FAM120A: variants seen among roughly 807,000 people sequenced by gnomAD.
The protein encoded by FAM120A is constitutive coactivator of PPAR-gamma-like protein 1.
FAM120A carries 15 observed loss-of-function variants against 109.7 expected under a neutral mutation model. The ratio of observed to expected loss-of-function variants is 0.14; its 90% CI spans 0.09 to 0.21. The LOEUF is 0.21. Among genes scored for constraint, FAM120A ranks in the 10% least tolerant of loss-of-function variants. FAM120A has a pLI of 1.00. For missense variants in FAM120A, 899 were observed against 1,439.3 expected, an observed-to-expected ratio of 0.62 and a Z score of 6.07; for synonymous variants, 493 against 572.8, an observed-to-expected ratio of 0.86 and a Z score of 1.99.
intron 1 of FAM120A, among the ~76,000 whole-genome samples, chr9:93,459,043 A>G (rs1248316385): frequency 2.6e-5 from 4 of 152,136 alleles, no homozygotes; most frequent in Admixed American, 6.5e-5. Context: ...TTGTTTAACT[A>G]CTGTACTGTG....
At chr9:93,455,085 C>T (rs1434437413) in intron 1 of FAM120A, among the ~76,000 whole-genome samples, 3 of 152,154 alleles carry the variant, frequency 2.0e-5, no homozygotes, top group Non-Finnish European at 4.4e-5. Context: ...AACTGGTACT[C>T]AAATGTCCAT....
At chr9:93,482,134 C>G (rs1344488012) in intron 3 of FAM120A, among the ~76,000 whole-genome samples, 1 of 151,636 alleles carries the variant, frequency 6.6e-6, no homozygotes, top group Non-Finnish European at 1.5e-5. Context: ...CACCCGTATA[C>G]CGGGGGCAAT....
intron 5 of FAM120A, among the ~76,000 whole-genome samples, chr9:93,510,723 A>AT (rs1860280656): frequency 1.3e-5 from 2 of 151,872 alleles, no homozygotes; most frequent in South Asian, 4.2e-4. Context: ...CAGTGTCGGG[A>AT]TTGTAGTCAT....
chr9:93,561,733 A>G (rs1211307636), intron 16 of FAM120A, among the ~76,000 whole-genome samples: 1 of 152,184 alleles, frequency 6.6e-6, no homozygotes, highest in Non-Finnish European at 1.5e-5. Flanking sequence ...GATCCCATTT[A>G]TAGTATTATG....
chr9:93,506,265 T>A (rs573250459), intron 5 of FAM120A, among the ~76,000 whole-genome samples: 1 of 152,346 alleles, frequency 6.6e-6, no homozygotes, highest in South Asian at 2.1e-4. Context: ...ATCTTTATTA[T>A]TGAGTGTACT....
chr9:93,489,406 A>C (rs1292534437), intron 3 of FAM120A, among the ~76,000 whole-genome samples: 1 of 152,356 alleles, frequency 6.6e-6, no homozygotes, highest in East Asian at 1.9e-4. Flanking sequence ...ACCACAGTAC[A>C]CTACAGTTTC....
chr9:93,518,625 T>G (rs1370783114), intron 7 of FAM120A, among the ~76,000 whole-genome samples: 1 of 152,162 alleles, frequency 6.6e-6, no homozygotes, highest in Non-Finnish European at 1.5e-5. Flanking sequence ...GGAGAGTATG[T>G]AAGCAGTGAA....
At chr9:93,521,180 G>A (rs1444327658) in intron 7 of FAM120A, among the ~76,000 whole-genome samples, 1 of 152,214 alleles carries the variant, frequency 6.6e-6, no homozygotes, top group Non-Finnish European at 1.5e-5. Flanking sequence ...GAACCTGTTG[G>A]AAGCTCAGTT....
At chr9:93,478,485 G>C (rs955268465) in intron 3 of FAM120A, among the ~76,000 whole-genome samples, 1 of 151,962 alleles carries the variant, frequency 6.6e-6, no homozygotes, top group African/African-American at 2.4e-5. Context: ...CCACTTTAAT[G>C]TTTTTATTTG....
At chr9:93,520,236 C>G (rs12552189) in intron 7 of FAM120A, among the ~76,000 whole-genome samples, 2 of 151,906 alleles carry the variant, frequency 1.3e-5, no homozygotes, top group Admixed American at 1.3e-4. Flanking sequence ...CCTGTAGTCC[C>G]AGCTACTCGG....
chr9:93,501,883 G>C (rs1859818105), intron 5 of FAM120A, among the ~76,000 whole-genome samples: 1 of 152,184 alleles, frequency 6.6e-6, no homozygotes. Flanking sequence ...AGCTGTCATT[G>C]ATTTTTACCC....
intron 3 of FAM120A, among the ~76,000 whole-genome samples, chr9:93,484,248 A>G (rs1336200399): frequency 2.6e-5 from 4 of 151,982 alleles, no homozygotes; most frequent in East Asian, 3.9e-4. Context: ...GATTAGGAGT[A>G]GGTCTCCAGT....
At chr9:93,539,120 C>T (rs1389884031) in intron 10 of FAM120A, among the ~76,000 whole-genome samples, 1 of 151,744 alleles carries the variant, frequency 6.6e-6, no homozygotes, top group Non-Finnish European at 1.5e-5. Context: ...GCCTCAGCCT[C>T]CCCAGTAGCT....
Position 93,556,540 on chromosome 9 carries a change from C to G in FAM120A, c.2433C>G (p.Leu811=), listed in dbSNP as rs2131559624. The change falls in exon 13 of 18, where the codon CTC becomes CTG. Residue 811 remains leucine, a synonymous_variant. Coordinates refer to ENST00000277165, the MANE Select transcript of FAM120A (RefSeq NM_014612.5). ...YFDGKLFQSK[L]LKASREKTPL... is the part of the protein sequence containing the mutation. ...ATGGGAAGCTCTTCCAATCCAAACT[C>G]CTCAAAGCCAGCCGGGAAAAGACCC... The G allele has an allele frequency of 6.2e-7, 1 of 1,614,216 alleles. No individual in the cohort carries two copies. The highest frequency in any genetic ancestry group is 8.5e-7 in the Non-Finnish European group (1 of 1,180,048).
intron 12 of FAM120A, among the ~76,000 whole-genome samples, chr9:93,552,426 CT>C (rs1433625622): frequency 6.6e-6 from 1 of 152,204 alleles, no homozygotes; most frequent in Non-Finnish European, 1.5e-5. Context: ...CATCGATCCT[CT>C]GGGTCTTGCT....
intron 1 of FAM120A, among the ~76,000 whole-genome samples, chr9:93,462,801 G>A (rs571094682): frequency 7.6e-4 from 115 of 152,260 alleles, no homozygotes; most frequent in African/African-American, 2.7e-3. Flanking sequence ...ATGTAATTTT[G>A]TGTCTGGTTT....
chr9:93,505,970 T>C (rs1403359949), intron 5 of FAM120A, among the ~76,000 whole-genome samples: 4 of 152,232 alleles, frequency 2.6e-5, no homozygotes, highest in African/African-American at 9.6e-5. Flanking sequence ...CCACTGAGAA[T>C]GCTATCCTCT....
At chr9:93,463,733 G>T (rs1197195663) in intron 1 of FAM120A, among the ~76,000 whole-genome samples, 1 of 152,176 alleles carries the variant, frequency 6.6e-6, no homozygotes. Flanking sequence ...GCTGGCTGGA[G>T]GATGTGTCAC....
At chr9:93,531,786 G>A (rs1260894268) in intron 9 of FAM120A, among the ~76,000 whole-genome samples, 1 of 152,212 alleles carries the variant, frequency 6.6e-6, no homozygotes, top group Non-Finnish European at 1.5e-5. Flanking sequence ...TATATTGCAT[G>A]TGACCATCCC....
Sources: gnomAD v4.1 joint callset for allele counts (sites outside exome capture counted in the v4.1 genomes callset) on GRCh38, gnomAD v4.1.1 for gene constraint, MANE v1.5 for transcripts, NCBI Gene and HGNC (gene_info 2026-07-23, HGNC 2026-07-21) for gene names.